The following NELL1 variants were observed in gnomAD, a reference collection of about 807,000 sequenced individuals.
NELL1 encodes the protein protein kinase C-binding protein NELL1.
Under a neutral mutation model 107.4 loss-of-function variants are expected in NELL1, and 76 were observed. The ratio of observed to expected loss-of-function variants is 0.71; its 90% CI spans 0.59 to 0.86. The LOEUF (loss-of-function observed/expected upper bound fraction) is 0.86, where lower values mean the gene tolerates loss of function less well. Among genes scored for constraint, NELL1 ranks in the 40% least tolerant of loss-of-function variants. NELL1 has a pLI of 0.00. For synonymous variants in NELL1, 353 were observed against 341.2 expected, an observed-to-expected ratio of 1.03 and a Z score of -0.38; for missense variants, 1,024 against 1,005.5, an observed-to-expected ratio of 1.02 and a Z score of -0.25.
chr11:21,386,253 A>G (rs1851743414), intron 15 of NELL1, among the ~76,000 whole-genome samples: 1 of 151,658 alleles, frequency 6.6e-6, no homozygotes, highest in African/African-American at 2.4e-5. Context: ...TCCAAACTGA[A>G]ACACTATTTT....
At chr11:21,265,722 G>T (rs1419161228) in intron 14 of NELL1, among the ~76,000 whole-genome samples, 1 of 152,068 alleles carries the variant, frequency 6.6e-6, no homozygotes, top group African/African-American at 2.4e-5. Flanking sequence ...GTATAAAATA[G>T]TCTTGGGTTC....
chr11:21,411,633 A>G (rs1852378227), intron 15 of NELL1, among the ~76,000 whole-genome samples: 1 of 152,118 alleles, frequency 6.6e-6, no homozygotes, highest in Non-Finnish European at 1.5e-5. Context: ...TGATCAAGAT[A>G]AATGATTTTC....
At chr11:21,251,642 A>G (rs990016998) in intron 14 of NELL1, among the ~76,000 whole-genome samples, 6 of 151,964 alleles carry the variant, frequency 3.9e-5, no homozygotes, top group Non-Finnish European at 5.9e-5. Context: ...ATCAGGATGT[A>G]AGGAAGCTGA....
intron 13 of NELL1, among the ~76,000 whole-genome samples, chr11:21,170,700 C>T (rs1392237386): frequency 1.1e-4 from 5 of 45,734 alleles, no homozygotes; most frequent in East Asian, 8.7e-4. Context: ...TATATATATA[C>T]TGTATTATAT....
chr11:20,820,256 C>T (rs1308816491), intron 3 of NELL1, among the ~76,000 whole-genome samples: 15 of 152,156 alleles, frequency 9.9e-5, no homozygotes. Flanking sequence ...CTAATCCTTC[C>T]CTGACAAATA....
intron 13 of NELL1, among the ~76,000 whole-genome samples, chr11:21,222,028 GTTGT>G (rs1355868314): frequency 6.6e-6 from 1 of 151,942 alleles, no homozygotes. Context: ...TGTAGTATTA[GTTGT>G]AATGTCTCTC....
At chr11:21,278,269 C>G (rs891252691) in intron 14 of NELL1, among the ~76,000 whole-genome samples, 1 of 151,916 alleles carries the variant, frequency 6.6e-6, no homozygotes, top group Non-Finnish European at 1.5e-5. Flanking sequence ...TTTTTCTTAG[C>G]ATAGTATTCT....
chr11:20,981,799 A>G (rs997815242), intron 12 of NELL1, among the ~76,000 whole-genome samples: 3 of 152,196 alleles, frequency 2.0e-5, no homozygotes, highest in African/African-American at 4.8e-5. Flanking sequence ...ATTCTTTGAT[A>G]TGCAAATGGT....
At chr11:21,051,002 T>C (rs1474861254) in intron 12 of NELL1, among the ~76,000 whole-genome samples, 1 of 152,280 alleles carries the variant, frequency 6.6e-6, no homozygotes, top group Non-Finnish European at 1.5e-5. Flanking sequence ...TCTCACTTCC[T>C]GGACTCTGCA....
At chr11:21,484,155 C>T (rs1854568793) in intron 15 of NELL1, among the ~76,000 whole-genome samples, 1 of 149,872 alleles carries the variant, frequency 6.7e-6, no homozygotes, top group African/African-American at 2.4e-5. Flanking sequence ...GTATAAATTT[C>T]CAAACTTTCC....
chr11:21,467,835 G>C (rs1010707090), intron 15 of NELL1, among the ~76,000 whole-genome samples: 3 of 152,000 alleles, frequency 2.0e-5, no homozygotes, highest in African/African-American at 7.2e-5. Flanking sequence ...TCCTGAATTT[G>C]TGGGTGATGA....
chr11:21,303,880 G>A (rs2133629084), intron 14 of NELL1, among the ~76,000 whole-genome samples: 1 of 152,138 alleles, frequency 6.6e-6, no homozygotes, highest in Non-Finnish European at 1.5e-5. Flanking sequence ...CCAAGGTGGT[G>A]CCTCATTGCT....
intron 13 of NELL1, among the ~76,000 whole-genome samples, chr11:21,152,736 T>C (rs747929316): frequency 2.0e-5 from 3 of 152,174 alleles, no homozygotes; most frequent in Admixed American, 6.5e-5. Context: ...AATATACATA[T>C]AGAAAATTAT....
rs1272526990 is a variant in NELL1 at position 21,464,240 on chromosome 11, A to G, written c.1646-70134A>G. ...TCCCCTCTTTTTCTGGAAAGTGTCA[A>G]AAAATTGTGGCTATGTTTTTAAACT... On this transcript the variant is annotated intron_variant, in intron 15 of 19. Transcript: ENST00000357134. Among the ~76,000 whole-genome samples the G allele has an allele frequency of 3.3e-5, 5 of 152,224 alleles. No homozygotes were observed. The East Asian group carries it at 7.7e-4, about 24-fold the overall frequency.
intron 15 of NELL1, among the ~76,000 whole-genome samples, chr11:21,402,782 A>C (rs1852130050): frequency 6.6e-6 from 1 of 151,620 alleles, no homozygotes; most frequent in South Asian, 2.1e-4. Flanking sequence ...TCCTTAACCT[A>C]AGAGAAAGAA....
intron 14 of NELL1, among the ~76,000 whole-genome samples, chr11:21,286,769 C>G (rs1209013915): frequency 1.3e-5 from 2 of 152,238 alleles, no homozygotes; most frequent in Non-Finnish European, 2.9e-5. Flanking sequence ...GTTAGATGCT[C>G]TCACTTAGAT....
At chr11:21,396,594 G>A (rs1316536519) in intron 15 of NELL1, among the ~76,000 whole-genome samples, 4 of 151,554 alleles carry the variant, frequency 2.6e-5, no homozygotes, top group Admixed American at 2.0e-4. Flanking sequence ...GTGCATATTA[G>A]GAGCATTAGG....
intron 3 of NELL1, among the ~76,000 whole-genome samples, chr11:20,840,103 G>A (rs985851020): frequency 6.6e-6 from 1 of 151,836 alleles, no homozygotes; most frequent in African/African-American, 2.4e-5. Flanking sequence ...AACATATAAT[G>A]GTTTATTTAT....
chr11:21,208,237 C>T (rs77826043), intron 13 of NELL1, among the ~76,000 whole-genome samples: 9,701 of 151,758 alleles, frequency 0.064, 390 homozygotes, highest in Non-Finnish European at 0.095. Context: ...CAATAAAAAC[C>T]GTCTATTCTT....
Sources: gnomAD v4.1 joint callset for allele counts (sites outside exome capture counted in the v4.1 genomes callset) on GRCh38, gnomAD v4.1.1 for gene constraint, MANE v1.5 for transcripts, NCBI Gene and HGNC (gene_info 2026-07-23, HGNC 2026-07-21) for gene names.